Variants in LARGE1 observed in about 807,000 individuals in gnomAD.
LARGE1 encodes the protein xylosyl- and glucuronyltransferase LARGE1.
A neutral mutation model predicts 87.6 loss-of-function variants in LARGE1; 43 were observed. That is an observed-to-expected ratio of 0.49 (90% CI 0.38 to 0.63). LARGE1 has a LOEUF of 0.63. Among genes scored for constraint, LARGE1 ranks in the 30% least tolerant of loss-of-function variants. The pLI is 0.00. For missense variants in LARGE1, 802 were observed against 1,000.2 expected (o/e 0.80, Z 2.67); for synonymous variants, 434 against 394.6 (o/e 1.10, Z -1.18).
chr22:33,074,592 T>C, the LARGE1 span, among the ~76,000 whole-genome samples: 3 of 152,170 alleles, frequency 2.0e-5, no homozygotes, highest in East Asian at 1.9e-4. Flanking sequence ...AGAGAATTGC[T>C]TGAACCAGGG....
chr22:33,292,793 C>T (rs762813716), intron 12 of LARGE1, among the ~76,000 whole-genome samples: 8 of 152,136 alleles, frequency 5.3e-5, no homozygotes, highest in Non-Finnish European at 1.0e-4. Flanking sequence ...TCTTTTTAAT[C>T]GGATGATGTA....
chr22:33,328,020 A>G (rs1331259740), intron 10 of LARGE1, among the ~76,000 whole-genome samples: 2 of 152,216 alleles, frequency 1.3e-5, no homozygotes, highest in Non-Finnish European at 2.9e-5. Context: ...CCCCGTAGTC[A>G]CAGAGCTTAC....
chr22:33,693,819 G>A (rs1043390911), intron 2 of LARGE1, among the ~76,000 whole-genome samples: 1 of 151,340 alleles, frequency 6.6e-6, no homozygotes, highest in Non-Finnish European at 1.5e-5. Context: ...GCGAGACTCT[G>A]TCTCTATTAA....
At chr22:33,215,414 G>T (rs927295566) in intron 11 of LARGE1, among the ~76,000 whole-genome samples, 2 of 152,116 alleles carry the variant, frequency 1.3e-5, no homozygotes, top group South Asian at 4.2e-4. Flanking sequence ...TTTTCCTATA[G>T]GGATGTTTAT....
chr22:33,378,686 C>A (rs1334859923), intron 9 of LARGE1, among the ~76,000 whole-genome samples: 1 of 152,172 alleles, frequency 6.6e-6, no homozygotes, highest in Admixed American at 6.5e-5. Flanking sequence ...ACCAGTTCTT[C>A]AACACTAGCT....
At chr22:33,499,884 C>T (rs1362010770) in intron 6 of LARGE1, among the ~76,000 whole-genome samples, 1 of 152,192 alleles carries the variant, frequency 6.6e-6, no homozygotes. Flanking sequence ...AGCGACTCTC[C>T]TGCCTCAATC....
Position 33,604,499 on chromosome 22 carries a change from G to A in LARGE1, c.551C>T (p.Thr184Met), listed in dbSNP as rs138676820. 37 of 1,614,118 alleles carry A rather than the reference G, an allele frequency of 2.3e-5. No homozygotes were observed. The highest frequency in any genetic ancestry group is 1.1e-4 in the East Asian group (5 of 44,872). The stretch of plus-strand genomic sequence containing the variant: ...GGGCACCATCCAGGTCTGGAAGAGC[G>A]TGGCCAGGATCTGCTCCGCAATGGA... ...ADSIAEQILATLFQTWMVPAV... is the reference protein window; with the variant it reads ...ADSIAEQILAMLFQTWMVPAV... Residue 184 changes from threonine (T) to methionine (M), a missense_variant, in exon 5 of 15, where the codon ACG (threonine) becomes ATG (methionine). Thr to Met is a moderately conservative substitution (Grantham distance 81). This residue lies in a region of LARGE1 where 625 missense variants were observed against 841.9 expected (regional missense o/e 0.74). Coordinates refer to ENST00000397394, the MANE Select transcript of LARGE1 (RefSeq NM_133642.5).
At chr22:33,616,934 T>C (rs1253975619) in intron 4 of LARGE1, among the ~76,000 whole-genome samples, 1 of 152,244 alleles carries the variant, frequency 6.6e-6, no homozygotes, top group Non-Finnish European at 1.5e-5. Flanking sequence ...CACTAAATTG[T>C]ACACTTTTAA....
intron 6 of LARGE1, among the ~76,000 whole-genome samples, chr22:33,506,813 A>G (rs914307247): frequency 6.6e-6 from 1 of 152,160 alleles, no homozygotes; most frequent in Non-Finnish European, 1.5e-5. Context: ...AGGCAAGAGA[A>G]TCGCTTGAAC....
chr22:33,109,954 G>A, the LARGE1 span, among the ~76,000 whole-genome samples: 135 of 152,158 alleles, frequency 8.9e-4, 1 homozygote, highest in Admixed American at 3.2e-3. Context: ...CTGTAGAACC[G>A]TGAGCCAAAT....
At chr22:33,181,449 C>T (rs1238738023) in intron 11 of LARGE1, among the ~76,000 whole-genome samples, 1 of 152,082 alleles carries the variant, frequency 6.6e-6, no homozygotes, top group Non-Finnish European at 1.5e-5. Flanking sequence ...AGAAGTTACA[C>T]TGCTAGGAAG....
In LARGE1 at chr22:33,761,487, G is replaced by A. The variant is rs563120604; in HGVS notation, c.-11C>T. 5 of 1,606,264 alleles carry A rather than the reference G, an allele frequency of 3.1e-6. No individual in the cohort carries two copies. The Admixed American group carries it at 5.0e-5, about 16-fold the overall frequency. Reference sequence around the variant, plus strand: ...GCAGATTCCCAGCATCCTCTCAGAAGTGGCAATCCCTAATCCCAGCGCCGT... The same window carrying A: ...GCAGATTCCCAGCATCCTCTCAGAAATGGCAATCCCTAATCCCAGCGCCGT... On this transcript the variant is annotated 5_prime_UTR_variant, in exon 2 of 15. Transcript: ENST00000397394.
At chr22:33,658,192 A>G (rs2081023515) in intron 2 of LARGE1, among the ~76,000 whole-genome samples, 1 of 152,214 alleles carries the variant, frequency 6.6e-6, no homozygotes, top group South Asian at 2.1e-4. Flanking sequence ...TAAAAAACTT[A>G]GGAAACAATA....
chr22:33,125,811 A>C, the LARGE1 span, among the ~76,000 whole-genome samples: 1 of 152,016 alleles, frequency 6.6e-6, no homozygotes, highest in Non-Finnish European at 1.5e-5. Flanking sequence ...GCAGTGGTGC[A>C]ATCTTGACTT....
chr22:33,913,891 G>T (rs532361769), intron 1 of LARGE1, among the ~76,000 whole-genome samples: 106 of 152,156 alleles, frequency 7.0e-4, no homozygotes, highest in African/African-American at 2.4e-3. Context: ...TCCCAAAAGG[G>T]TCTATCATGA....
At chr22:33,519,998 C>CTTTTTT (rs397868082) in intron 6 of LARGE1, among the ~76,000 whole-genome samples, 3 of 97,250 alleles carry the variant, frequency 3.1e-5, no homozygotes, top group African/African-American at 1.3e-4. Flanking sequence ...TGGTTTTTCT[C>CTTTTTT]TTTTTTTTTT....
At chr22:33,627,602 T>C (rs2079963223) in intron 3 of LARGE1, among the ~76,000 whole-genome samples, 1 of 152,178 alleles carries the variant, frequency 6.6e-6, no homozygotes. Context: ...AAAATGCAGT[T>C]CTGATATCTG....
intron 4 of LARGE1, among the ~76,000 whole-genome samples, chr22:33,604,824 C>T (rs530707503): frequency 6.6e-6 from 1 of 152,112 alleles, no homozygotes; most frequent in Non-Finnish European, 1.5e-5. Flanking sequence ...AGGCCAAACG[C>T]CATACCTGTT....
chr22:33,882,910 C>T (rs1474012083), intron 1 of LARGE1, among the ~76,000 whole-genome samples: 2 of 152,136 alleles, frequency 1.3e-5, no homozygotes, highest in Non-Finnish European at 2.9e-5. Flanking sequence ...ATTTTCCTCA[C>T]GTGCGTCTAC....
Sources: gnomAD v4.1 joint callset for allele counts (sites outside exome capture counted in the v4.1 genomes callset) on GRCh38, gnomAD v4.1.1 for gene constraint, gnomAD v4.1.1 regional missense constraint, MANE v1.5 for transcripts, NCBI Gene and HGNC (gene_info 2026-07-23, HGNC 2026-07-21) for gene names.